LEF1: variants seen among roughly 807,000 people sequenced by gnomAD.
LEF1 encodes lymphoid enhancer binding factor 1.
In LEF1, 14 loss-of-function variants were observed where a neutral mutation model predicts 51.2. That is an observed-to-expected ratio of 0.27 (90% CI 0.18 to 0.43). The LOEUF (loss-of-function observed/expected upper bound fraction) is 0.43, where lower values mean the gene tolerates loss of function less well. Ranked by LOEUF, LEF1 falls within the 20% of genes least tolerant of loss-of-function variation. The pLI, the probability that LEF1 is intolerant of heterozygous loss-of-function variation, is 1.00. For synonymous variants in LEF1, 185 were observed against 183.2 expected (o/e 1.01, Z -0.08); for missense variants, 386 against 512.0 (o/e 0.75, Z 2.37).
intron 3 of LEF1, among the ~76,000 whole-genome samples, chr4:108,098,567 T>C (rs1027200662): frequency 6.6e-6 from 1 of 152,222 alleles, no homozygotes; most frequent in Non-Finnish European, 1.5e-5. Flanking sequence ...TAAGTAAAAC[T>C]GATTCTTTAA....
At chr4:108,131,384 T>C (rs1578379516) in intron 3 of LEF1, among the ~76,000 whole-genome samples, 1 of 121,816 alleles carries the variant, frequency 8.2e-6, no homozygotes, top group African/African-American at 2.9e-5. Flanking sequence ...CAAGACCCTA[T>C]CTCTAAAAAA....
intron 3 of LEF1, among the ~76,000 whole-genome samples, chr4:108,160,646 G>C (rs1006228586): frequency 4.6e-5 from 7 of 152,094 alleles, no homozygotes; most frequent in African/African-American, 1.2e-4. Flanking sequence ...CCCTTGAGAA[G>C]AAAAAAAGCT....
At chr4:108,079,949 G>C (rs1028952098) in intron 6 of LEF1, among the ~76,000 whole-genome samples, 3 of 152,094 alleles carry the variant, frequency 2.0e-5, no homozygotes, top group Non-Finnish European at 4.4e-5. Flanking sequence ...TAAAATCTCT[G>C]CCTATATTCC....
chr4:108,126,639 C>T (rs1742550833), intron 3 of LEF1, among the ~76,000 whole-genome samples: 1 of 151,678 alleles, frequency 6.6e-6, no homozygotes, highest in Admixed American at 6.6e-5. Flanking sequence ...ACCGTCTCTA[C>T]TAAAAAATAC....
intron 3 of LEF1, among the ~76,000 whole-genome samples, chr4:108,152,360 G>C (rs1744409621): frequency 6.6e-6 from 1 of 152,218 alleles, no homozygotes; most frequent in South Asian, 2.1e-4. Context: ...AGACTTGAAA[G>C]GGAGATGGTT....
intron 3 of LEF1, among the ~76,000 whole-genome samples, chr4:108,143,042 C>T (rs56010250): frequency 0.011 from 1,607 of 152,252 alleles, 11 homozygotes; most frequent in African/African-American, 0.017. Context: ...TCATTCTGCA[C>T]AAAACTTCTT....
intron 3 of LEF1, among the ~76,000 whole-genome samples, chr4:108,139,268 C>T (rs951651814): frequency 1.3e-5 from 2 of 152,290 alleles, no homozygotes; most frequent in African/African-American, 2.4e-5. Context: ...ACCATCAGTG[C>T]GTGGTTGTTT....
At chr4:108,089,412 T>A (rs1037691990) in intron 3 of LEF1, among the ~76,000 whole-genome samples, 155 bp from the exon 4 acceptor site, 2 of 152,126 alleles carry the variant, frequency 1.3e-5, no homozygotes, top group African/African-American at 4.8e-5. Context: ...TCTTTTAGAA[T>A]TTTTCTGAAT....
chr4:108,120,068 G>A (rs1244005267), intron 3 of LEF1, among the ~76,000 whole-genome samples: 1 of 151,486 alleles, frequency 6.6e-6, no homozygotes, highest in African/African-American at 2.4e-5. Flanking sequence ...GTCTCACTCT[G>A]ACACCCAGGC....
At chr4:108,053,997 T>C (rs924646611) in intron 11 of LEF1, among the ~76,000 whole-genome samples, 1 of 152,224 alleles carries the variant, frequency 6.6e-6, no homozygotes, top group Admixed American at 6.5e-5. Flanking sequence ...GGGCACACTT[T>C]GGTCTTTTTT....
At chr4:108,091,674 G>C (rs1740033535) in intron 3 of LEF1, among the ~76,000 whole-genome samples, 1 of 152,014 alleles carries the variant, frequency 6.6e-6, no homozygotes. Flanking sequence ...TGTGTAAAAG[G>C]TTAAACAAAT....
chr4:108,092,939 A>AAAAAAAAAAAAAAAAAAAAAAAAAAAC (rs1553952202), intron 3 of LEF1, among the ~76,000 whole-genome samples: 8 of 90,670 alleles, frequency 8.8e-5, no homozygotes, highest in South Asian at 4.2e-4. Context: ...AAAAAAAAAA[A>AAAAAAAAAAAAAAAAAAAAAAAAAAAC]AAAAAAAAAA....
intron 3 of LEF1, among the ~76,000 whole-genome samples, chr4:108,130,901 G>A (rs965435576): frequency 6.6e-6 from 1 of 151,978 alleles, no homozygotes; most frequent in Admixed American, 6.6e-5. Flanking sequence ...TTAAACTACT[G>A]CATTTTGGTG....
intron 3 of LEF1, among the ~76,000 whole-genome samples, chr4:108,139,642 G>A (rs1743514054): frequency 6.6e-6 from 1 of 152,238 alleles, no homozygotes; most frequent in South Asian, 2.1e-4. Context: ...AGGAAGCAAA[G>A]GGAAGGACAA....
At chr4:108,158,709 G>A (rs983084823) in intron 3 of LEF1, among the ~76,000 whole-genome samples, 2 of 151,478 alleles carry the variant, frequency 1.3e-5, no homozygotes, top group African/African-American at 2.4e-5. Flanking sequence ...AAATGGTTCT[G>A]TCTAAAGAAC....
intron 3 of LEF1, among the ~76,000 whole-genome samples, chr4:108,146,206 C>A (rs1004283495): frequency 6.6e-6 from 1 of 152,198 alleles, no homozygotes; most frequent in African/African-American, 2.4e-5. Context: ...CTTTAAAACA[C>A]TAAATGTTTG....
intron 3 of LEF1, among the ~76,000 whole-genome samples, chr4:108,103,108 C>A (rs556432599): frequency 6.6e-6 from 1 of 152,222 alleles, no homozygotes; most frequent in Non-Finnish European, 1.5e-5. Context: ...CAAAAGTTGA[C>A]CTAGAGTGGG....
At chr4:108,161,050 C>G (rs533461789) in intron 3 of LEF1, among the ~76,000 whole-genome samples, 44 of 152,274 alleles carry the variant, frequency 2.9e-4, no homozygotes, top group African/African-American at 9.6e-4. Flanking sequence ...GCTCCTGACA[C>G]CCTAGATGAA....
chr4:108,053,037 C>A (rs1737104839), intron 11 of LEF1, among the ~76,000 whole-genome samples: 1 of 152,160 alleles, frequency 6.6e-6, no homozygotes, highest in African/African-American at 2.4e-5. Context: ...CTCCACCATA[C>A]CTTGGAACTA....
Sources: allele counts gnomAD v4.1 joint callset (sites outside exome capture counted in the v4.1 genomes callset), GRCh38; gene constraint gnomAD v4.1.1; transcripts MANE v1.5; gene names NCBI Gene and HGNC (gene_info 2026-07-23, HGNC 2026-07-21).